PRMT7: variants seen among roughly 807,000 people sequenced by gnomAD.
The protein encoded by PRMT7 is protein arginine methyltransferase 7.
PRMT7 carries 75 observed loss-of-function variants against 85.4 expected under a neutral mutation model. The ratio of observed to expected loss-of-function variants is 0.88; its 90% confidence interval spans 0.73 to 1.06. The LOEUF (loss-of-function observed/expected upper bound fraction) is 1.06, where lower values mean the gene tolerates loss of function less well. Ranked by LOEUF, PRMT7 falls within the 50% of genes least tolerant of loss-of-function variation. The pLI is 0.00. For missense variants in PRMT7, 868 were observed against 915.2 expected (o/e 0.95, Z 0.67); for synonymous variants, 397 against 359.5 (o/e 1.10, Z -1.18).
At chr16:68,319,132 T>TTTAGG (rs1236440476) in intron 3 of PRMT7, 4 of 151,794 alleles carry the variant, frequency 2.6e-5, no homozygotes, top group Non-Finnish European at 1.5e-5. Context: ...AGATTAGGCG[T>TTTAGG]TTAGGTTTGG....
At chr16:68,315,556 T>C (rs1251848899) in intron 2 of PRMT7, 2 of 238,030 alleles carry the variant, frequency 8.4e-6, no homozygotes, top group African/African-American at 4.7e-5. Context: ...ACCCCATCTC[T>C]TCTCCTAGCC....
At chr16:68,324,573 TAG>T in intron 4 of PRMT7, 108 bp from the exon 5 acceptor site, 2 of 1,357,824 alleles carry the variant, frequency 1.5e-6, no homozygotes, top group Non-Finnish European at 2.0e-6. Flanking sequence ...AGAAAGGCCA[TAG>T]GGCCCTGACT....
chr16:68,320,463 C>T (rs140075681), intron 3 of PRMT7, among the ~76,000 whole-genome samples: 1,893 of 152,300 alleles, frequency 0.012, 19 homozygotes, highest in Non-Finnish European at 0.021. Context: ...AAGGGATGGG[C>T]TCTGGCTAGT....
chr16:68,323,653 A>AGATTTTT (rs2082766012), intron 4 of PRMT7: 1 of 152,156 alleles, frequency 6.6e-6, no homozygotes, highest in Non-Finnish European at 1.5e-5. Context: ...TCTGATATTA[A>AGATTTTT]GATTTTTGAC....
At chr16:68,338,226 T>C (rs966636866) in intron 7 of PRMT7, among the ~76,000 whole-genome samples, 1 of 152,088 alleles carries the variant, frequency 6.6e-6, no homozygotes, top group Non-Finnish European at 1.5e-5. Flanking sequence ...TGTGGTACAG[T>C]GGGCCTCAGC....
chr16:68,329,327 G>C lies in PRMT7; in HGVS notation c.391+153G>C, dbSNP rs2083527831. The C allele has an allele frequency of 7.2e-6, 4 of 556,324 alleles. No individual in the cohort carries two copies. The East Asian group carries it at 1.2e-4, about 17-fold the overall frequency. The allele number at this position is 556,324 out of a possible 1,614,324, so 34.5% of individuals were successfully genotyped here. A position where few individuals can be genotyped will look rare whatever the true frequency, so the allele number is the denominator to read the frequency against. ...TGACAGTAAGGACTTGGTTTCTCTT[G>C]ATGTTTATTTTCCTGCTAGTTAAAA... On this transcript the variant is annotated intron_variant, in intron 6 of 18. Coordinates refer to ENST00000441236, the MANE Select transcript of PRMT7 (RefSeq NM_019023.5).
chr16:68,343,534 A>G (rs900223999), intron 9 of PRMT7, among the ~76,000 whole-genome samples: 1 of 152,170 alleles, frequency 6.6e-6, no homozygotes, highest in African/African-American at 2.4e-5. Context: ...ACCTTGGCAC[A>G]GTGGGTTCTG....
downstream of PRMT7, chr16:68,358,634 T>C (rs1567762213): frequency 1.3e-5 from 2 of 152,666 alleles, no homozygotes; most frequent in Non-Finnish European, 2.9e-5. Flanking sequence ...GCATCAAGAT[T>C]AATATACTTA....
chr16:68,355,709 C>A lies in PRMT7; in HGVS notation c.1651-14C>A. On this transcript the variant is annotated splice_polypyrimidine_tract_variant and intron_variant, in intron 16 of 18. Coordinates refer to ENST00000441236, the MANE Select transcript of PRMT7 (RefSeq NM_019023.5). ...GCCTGTCTCTGCAGCCCCCAGGCCC[C>A]CTTCTGTTCGCAGCGTGCCCTGGAC... 1.9e-6 allele frequency: 3 copies of A among 1,559,034 alleles called. No individual in the cohort carries two copies. The highest frequency in any genetic ancestry group is 2.6e-6 in the Non-Finnish European group (3 of 1,147,518).
At chr16:68,360,770 T>C, downstream of PRMT7, 1 of 167,340 alleles carries the variant, frequency 6.0e-6, no homozygotes, top group Non-Finnish European at 1.3e-5. Context: ...AAGGGGTCTG[T>C]GGCTACAGCG....
rs150218821 is a variant in PRMT7 at position 68,345,758 on chromosome 16, C to G, written c.1011C>G (p.Ala337=). The G allele has an allele frequency of 1.1e-5, 17 of 1,614,186 alleles. No individual in the cohort carries two copies. The African/African-American group carries it at 1.5e-4, about 14-fold the overall frequency. ...VVQGSALYLV[A]HHDDYCVWYS... ...AGGGCTCAGCGCTCTATCTGGTAGC[C>G]CACCACGATGACTACTGCGTATGGT... The change falls in exon 10 of 19, where the codon GCC becomes GCG. Residue 337 remains alanine, a synonymous_variant. Transcript: ENST00000441236.
chr16:68,332,936 A>G (rs990770348), intron 6 of PRMT7, among the ~76,000 whole-genome samples: 3 of 152,190 alleles, frequency 2.0e-5, no homozygotes, highest in East Asian at 3.9e-4. Flanking sequence ...CTAGTTGATA[A>G]CAGCCGGAGG....
chr16:68,337,479 G>A lies in PRMT7; in HGVS notation c.412G>A (p.Ala138Thr), dbSNP rs182075717. The part of the protein sequence containing the change: ...VGPEGDMPCR[A>T]NILVTELFDT... The stretch of plus-strand genomic sequence containing the variant: ...TTCAGAGGGTGACATGCCATGCCGT[G>A]CCAACATCCTGGTCACAGAGTTGTT... The change falls in exon 7 of 19, where the codon GCC becomes ACC. Residue 138 changes from alanine (A) to threonine (T), a missense_variant. Physicochemically the swap from Ala to Thr is moderately conservative, Grantham distance 58. Transcript: ENST00000441236. The A allele has an allele frequency of 2.5e-6, 4 of 1,610,624 alleles. No homozygotes were observed. Among genetic ancestry groups the A allele is most frequent in the East Asian group, 4.5e-5 (2 of 44,756 alleles).
intron 9 of PRMT7, among the ~76,000 whole-genome samples, chr16:68,340,194 A>G (rs2085299377): frequency 6.6e-6 from 1 of 152,160 alleles, no homozygotes; most frequent in Non-Finnish European, 1.5e-5. Context: ...GGAACAGAGA[A>G]GTTGGCTTTC....
chr16:68,321,747 A>G (rs774443959), intron 4 of PRMT7: 13 of 309,740 alleles, frequency 4.2e-5, no homozygotes, highest in Non-Finnish European at 7.7e-5. Context: ...GAATCAAGCT[A>G]ATTAACAAAT....
intron 17 of PRMT7, among the ~76,000 whole-genome samples, 174 bp downstream of exon 17, chr16:68,356,057 A>G (rs1302702374): frequency 6.6e-6 from 1 of 152,174 alleles, no homozygotes; most frequent in Non-Finnish European, 1.5e-5. Flanking sequence ...GGTGGTTCCC[A>G]CGGTCCTGTG....
intron 10 of PRMT7, 47 bp downstream of exon 10, chr16:68,345,849 A>T (rs952661985): frequency 7.5e-6 from 12 of 1,610,062 alleles, no homozygotes; most frequent in African/African-American, 1.3e-5. Context: ...TGAGACTTGT[A>T]TGTAAATTCC....
chr16:68,357,039 C>A lies in PRMT7; in HGVS notation c.1909-15C>A. ...CCAGGGAGCCCTCACCATCTTCCTG[C>A]TCTTCTTCCTACAGGGGGGCTGCTG... On this transcript the variant is annotated splice_polypyrimidine_tract_variant and intron_variant, in intron 18 of 18. Transcript: ENST00000441236. 1 of 1,594,050 alleles carries A rather than the reference C, an allele frequency of 6.3e-7. No individual in the cohort carries two copies. The highest frequency in any genetic ancestry group is 8.6e-7 in the Non-Finnish European group (1 of 1,169,144).
At position 68,339,400 on chromosome 16, in the gene PRMT7, A is replaced by G. The variant is rs768341792; in HGVS notation, c.583A>G (p.Lys195Glu). Residue 195 changes from lysine to glutamate, a missense_variant, in exon 8 of 19, where the codon AAG becomes GAG. Coordinates refer to ENST00000441236, the MANE Select transcript of PRMT7 (RefSeq NM_019023.5). ...VESGRMWSWN[K>E]LFPIHVQTSL... ...GTCCGGGAGGATGTGGTCGTGGAAC[A>G]AGCTATTTCCCATCCACGTGCAGAC... 4.3e-6 allele frequency: 7 copies of G among 1,614,200 alleles called. No individual in the cohort carries two copies. In the Admixed American group the frequency reaches 1.2e-4, roughly 27 times the overall value.
Sources: gnomAD v4.1 joint callset for allele counts (sites outside exome capture counted in the v4.1 genomes callset) on GRCh38, gnomAD v4.1.1 for gene constraint, MANE v1.5 for transcripts, NCBI Gene and HGNC (gene_info 2026-07-23, HGNC 2026-07-21) for gene names.